PCDH15: variants seen among roughly 807,000 people sequenced by gnomAD.
PCDH15 encodes the protein protocadherin-15.
In PCDH15, 129 loss-of-function variants were observed where a neutral mutation model predicts 178.5. The ratio of observed to expected loss-of-function variants is 0.72; its 90% CI spans 0.63 to 0.84. PCDH15 has a LOEUF of 0.84. Among genes scored for constraint, PCDH15 ranks in the 40% least tolerant of loss-of-function variants. The pLI, the probability that PCDH15 is intolerant of heterozygous loss-of-function variation, is 0.00. For missense variants in PCDH15, 2,230 were observed against 2,099.9 expected (o/e 1.06, Z -1.21); for synonymous variants, 800 against 732.0 (o/e 1.09, Z -1.50).
intron 2 of PCDH15, among the ~76,000 whole-genome samples, chr10:55,460,130 A>T (rs1343585721): frequency 6.6e-6 from 1 of 152,016 alleles, no homozygotes; most frequent in Non-Finnish European, 1.5e-5. Flanking sequence ...ACGAATCAGG[A>T]GAATGATGCC....
At chr10:55,054,352 T>C (rs2131991444) in intron 2 of PCDH15, among the ~76,000 whole-genome samples, 1 of 152,298 alleles carries the variant, frequency 6.6e-6, no homozygotes, top group East Asian at 1.9e-4. Flanking sequence ...GAAAAGGACA[T>C]GATCTCATTC....
At chr10:55,222,338 T>TA (rs1340615068) in intron 1 of PCDH15, among the ~76,000 whole-genome samples, 1 of 151,968 alleles carries the variant, frequency 6.6e-6, no homozygotes, top group Non-Finnish European at 1.5e-5. Context: ...TATGGGTGTA[T>TA]TCCATTATCA....
At chr10:54,183,750 T>C (rs1591021079) in intron 12 of PCDH15, among the ~76,000 whole-genome samples, 157 bp from the exon 13 acceptor site, 2 of 152,324 alleles carry the variant, frequency 1.3e-5, no homozygotes, top group South Asian at 2.1e-4. Flanking sequence ...AGAGACGTAA[T>C]ATTACATATA....
In PCDH15 at chr10:54,784,342, A is replaced by G. The variant is rs10825399; in HGVS notation, c.-29+16583T>C. Among the ~76,000 whole-genome samples, 710 of 151,890 alleles carry G rather than the reference A, an allele frequency of 4.7e-3. 16 individuals are homozygous for G. The East Asian group carries it at 0.056, about 12-fold the overall frequency. The stretch of plus-strand genomic sequence containing the variant: ...AGATCTTAGAATAATAATAATAAAA[A>G]AAAAAAAGCAAGAGAAAAGTGTTGT... On this transcript the variant is annotated intron_variant, in intron 1 of 37. Transcript: ENST00000644397.
intron 2 of PCDH15, among the ~76,000 whole-genome samples, chr10:55,471,763 C>A (rs574170738): frequency 1.3e-5 from 2 of 152,200 alleles, no homozygotes; most frequent in Non-Finnish European, 2.9e-5. Context: ...TCTTTGCCCA[C>A]GCCCACCTTG....
At chr10:55,588,329 G>T (rs146303497) in intron 2 of PCDH15, among the ~76,000 whole-genome samples, 1 of 152,234 alleles carries the variant, frequency 6.6e-6, no homozygotes, top group East Asian at 1.9e-4. Context: ...TTTGCAAGTT[G>T]CCTGCTTCTG....
chr10:55,267,872 A>G (rs1397863152), intron 1 of PCDH15, among the ~76,000 whole-genome samples: 4 of 152,164 alleles, frequency 2.6e-5, no homozygotes, highest in African/African-American at 9.7e-5. Context: ...CAATGCCTAA[A>G]AATATATTGG....
intron 2 of PCDH15, among the ~76,000 whole-genome samples, chr10:55,538,468 C>CCCTCCCTT (rs1339919946): frequency 9.2e-6 from 1 of 108,284 alleles, no homozygotes; most frequent in Admixed American, 1.0e-4. Context: ...CTTCCTTCCT[C>CCCTCCCTT]CCTCCCTTCC....
intron 3 of PCDH15, among the ~76,000 whole-genome samples, chr10:54,829,336 A>G (rs575894674): frequency 6.6e-6 from 1 of 152,094 alleles, no homozygotes; most frequent in Admixed American, 6.6e-5. Flanking sequence ...TGCTGCTACT[A>G]CTACTACTAC....
At chr10:55,385,698 T>C (rs1312388192) in intron 2 of PCDH15, among the ~76,000 whole-genome samples, 3 of 143,502 alleles carry the variant, frequency 2.1e-5, no homozygotes, top group Admixed American at 7.0e-5. Context: ...TCTGCCTATA[T>C]ATATATATAT....
Position 54,792,880 on chromosome 10 carries a change from T to C in PCDH15, c.-29+8045A>G, listed in dbSNP as rs186564968. 2.8e-3 allele frequency among the ~76,000 whole-genome samples: 418 copies of C among 151,936 alleles called. 3 individuals are homozygous for C. Among genetic ancestry groups the C allele is most frequent in the Non-Finnish European group, 2.6e-3 (175 of 67,896 alleles). On this transcript the variant is annotated intron_variant, in intron 1 of 37. Coordinates refer to ENST00000644397, the MANE Select transcript of PCDH15 (RefSeq NM_001384140.1). ...GGTTGAGCACTGGCAGGGTGGGATC[T>C]TATATCTCATTCACTACCAGAAAGA...
At chr10:54,421,593 T>C (rs1380721788) in intron 3 of PCDH15, among the ~76,000 whole-genome samples, 1 of 144,478 alleles carries the variant, frequency 6.9e-6, no homozygotes, top group Non-Finnish European at 1.5e-5. Context: ...CATACCTGCC[T>C]AAATTTTTGA....
chr10:54,065,795 G>C (rs1047286250), intron 18 of PCDH15, among the ~76,000 whole-genome samples: 2 of 152,148 alleles, frequency 1.3e-5, no homozygotes, highest in Admixed American at 1.3e-4. Context: ...CAAAATCTCA[G>C]GACATGGTGT....
At chr10:54,998,006 T>C (rs569406879) in intron 2 of PCDH15, among the ~76,000 whole-genome samples, 2 of 152,280 alleles carry the variant, frequency 1.3e-5, no homozygotes, top group South Asian at 2.1e-4. Context: ...CAGGATTTCT[T>C]GCTTCCTAGG....
intron 3 of PCDH15, among the ~76,000 whole-genome samples, chr10:54,888,220 A>G (rs1954394971): frequency 1.3e-5 from 2 of 152,066 alleles, no homozygotes; most frequent in Admixed American, 6.6e-5. Context: ...CATTCCAGAC[A>G]TTCACTAATC....
intron 1 of PCDH15, among the ~76,000 whole-genome samples, chr10:54,679,189 CA>C (rs10709982): frequency 0.22 from 15,349 of 71,222 alleles, 289 homozygotes; most frequent in African/African-American, 0.28. Flanking sequence ...GACTCCGTCT[CA>C]AAAAAAAAAA....
intron 26 of PCDH15, among the ~76,000 whole-genome samples, chr10:53,896,278 T>C (rs941628607): frequency 1.3e-5 from 2 of 152,298 alleles, no homozygotes; most frequent in Middle Eastern, 3.4e-3. Flanking sequence ...AAAAAGTTAA[T>C]GTTCAAAGGC....
At chr10:54,666,555 T>G (rs1414881084) in intron 1 of PCDH15, among the ~76,000 whole-genome samples, 1 of 152,026 alleles carries the variant, frequency 6.6e-6, no homozygotes, top group African/African-American at 2.4e-5. Context: ...CTAAGATTTC[T>G]ATATACAATG....
At chr10:55,437,722 C>A (rs1839076042) in intron 2 of PCDH15, among the ~76,000 whole-genome samples, 1 of 151,314 alleles carries the variant, frequency 6.6e-6, no homozygotes, top group South Asian at 2.1e-4. Flanking sequence ...AAAAACAACA[C>A]AAATGTGTGT....
Sources: gnomAD v4.1 joint callset for allele counts (sites outside exome capture counted in the v4.1 genomes callset) on GRCh38, gnomAD v4.1.1 for gene constraint, MANE v1.5 for transcripts, NCBI Gene and HGNC (gene_info 2026-07-23, HGNC 2026-07-21) for gene names.